The following RBFOX1 variants were observed in gnomAD, a reference collection of about 807,000 sequenced individuals.
RBFOX1 encodes the protein RNA binding fox-1 homolog 1.
RBFOX1 carries 8 observed loss-of-function variants against 57.7 expected under a neutral mutation model. The ratio of observed to expected loss-of-function variants is 0.14; its 90% CI spans 0.08 to 0.25. The LOEUF (loss-of-function observed/expected upper bound fraction) is 0.25, where lower values mean the gene tolerates loss of function less well. RBFOX1 is among the 10% of genes least tolerant of loss of function. The probability of loss-of-function intolerance (pLI) is 1.00; values close to 1 mark genes in which losing one functional copy is unlikely to be tolerated. For missense variants in RBFOX1, 611 were observed against 548.5 expected, an observed-to-expected ratio of 1.11 and a Z score of -1.14; for synonymous variants, 326 against 222.4, an observed-to-expected ratio of 1.47 and a Z score of -4.15.
At chr16:6,415,791 A>T (rs2093608962) in intron 2 of RBFOX1, among the ~76,000 whole-genome samples, 2 of 152,242 alleles carry the variant, frequency 1.3e-5, no homozygotes, top group African/African-American at 4.8e-5. Context: ...TATCTGTGAG[A>T]TACACAAATG....
intron 3 of RBFOX1, among the ~76,000 whole-genome samples, chr16:5,856,188 TATATATATATATATATATA>T (rs2057033279): frequency 1.3e-4 from 5 of 37,994 alleles, no homozygotes; most frequent in African/African-American, 1.7e-4. Flanking sequence ...TCTCTCTCTC[TATATATATATATATATATA>T]CATATATATG....
intron 13 of RBFOX1, among the ~76,000 whole-genome samples, chr16:7,669,429 A>G (rs972200936): frequency 2.0e-5 from 3 of 152,352 alleles, no homozygotes; most frequent in South Asian, 4.1e-4. Context: ...CTGGAATAAC[A>G]TAGTGAGGTG....
chr16:7,144,650 T>C (rs752694071), intron 4 of RBFOX1, among the ~76,000 whole-genome samples: 1 of 152,032 alleles, frequency 6.6e-6, no homozygotes, highest in Non-Finnish European at 1.5e-5. Context: ...AGCCCTCCCT[T>C]CCTGCCAGCA....
chr16:6,918,798 A>G (rs2073831657), intron 3 of RBFOX1, among the ~76,000 whole-genome samples: 1 of 152,124 alleles, frequency 6.6e-6, no homozygotes, highest in Non-Finnish European at 1.5e-5. Flanking sequence ...ATGCAGGAGC[A>G]TTGAGCAGAA....
At chr16:5,711,266 A>G (rs1191371848) in intron 3 of RBFOX1, among the ~76,000 whole-genome samples, 1 of 152,220 alleles carries the variant, frequency 6.6e-6, no homozygotes, top group Non-Finnish European at 1.5e-5. Context: ...AAGTATTGGT[A>G]TTAGTCATTG....
chr16:6,288,931 A>G (rs1238866997), intron 1 of RBFOX1, among the ~76,000 whole-genome samples: 1 of 152,128 alleles, frequency 6.6e-6, no homozygotes, highest in African/African-American at 2.4e-5. Flanking sequence ...TCTCATTGAG[A>G]TGCTGTCACC....
chr16:7,532,909 GGC>G (rs1356409939), intron 5 of RBFOX1, among the ~76,000 whole-genome samples: 1 of 152,174 alleles, frequency 6.6e-6, no homozygotes, highest in African/African-American at 2.4e-5. Flanking sequence ...ACATATTGTT[GGC>G]CTGCTGGCTG....
intron 1 of RBFOX1, among the ~76,000 whole-genome samples, chr16:6,044,161 G>A (rs1417336224): frequency 6.6e-6 from 1 of 151,994 alleles, no homozygotes; most frequent in African/African-American, 2.4e-5. Flanking sequence ...AGTTAAAACA[G>A]AAAAAAACAA....
chr16:6,911,284 C>G (rs1309119714), intron 3 of RBFOX1, among the ~76,000 whole-genome samples: 1 of 151,436 alleles, frequency 6.6e-6, no homozygotes, highest in Non-Finnish European at 1.5e-5. Context: ...CAAAGTTCCA[C>G]AAACTAGGAG....
intron 4 of RBFOX1, among the ~76,000 whole-genome samples, chr16:7,402,442 T>G (rs1459659684): frequency 6.6e-6 from 1 of 152,222 alleles, no homozygotes; most frequent in East Asian, 1.9e-4. Context: ...ATTTCACAAA[T>G]AATAGTATCC....
intron 3 of RBFOX1, among the ~76,000 whole-genome samples, chr16:6,928,710 G>C (rs1308516199): frequency 2.0e-5 from 3 of 152,102 alleles, no homozygotes; most frequent in African/African-American, 4.8e-5. Flanking sequence ...GTAAGTAAAA[G>C]ATTAAAATGT....
At chr16:7,589,973 A>G (rs1188996351) in intron 7 of RBFOX1, among the ~76,000 whole-genome samples, 1 of 147,816 alleles carries the variant, frequency 6.8e-6, no homozygotes, top group Non-Finnish European at 1.5e-5. Context: ...ATAAACCCAT[A>G]TGTACTTAAG....
At chr16:6,812,745 G>C (rs1362117390) in intron 3 of RBFOX1, among the ~76,000 whole-genome samples, 1 of 152,098 alleles carries the variant, frequency 6.6e-6, no homozygotes, top group Non-Finnish European at 1.5e-5. Context: ...ATGCAACATG[G>C]ATTGTTGGAG....
intron 4 of RBFOX1, among the ~76,000 whole-genome samples, chr16:7,065,370 C>G (rs905650751): frequency 2.0e-5 from 3 of 152,252 alleles, no homozygotes; most frequent in Admixed American, 1.3e-4. Flanking sequence ...CTGATACACT[C>G]CACCTGCCCA....
intron 1 of RBFOX1, among the ~76,000 whole-genome samples, chr16:6,021,496 G>A (rs181419547): frequency 7.0e-4 from 106 of 152,342 alleles, no homozygotes; most frequent in African/African-American, 2.3e-3. Flanking sequence ...GAAGGGTAAA[G>A]GTGGTGCTGG....
At chr16:5,496,041 G>A (rs1442228825) in intron 2 of RBFOX1, among the ~76,000 whole-genome samples, 1 of 152,156 alleles carries the variant, frequency 6.6e-6, no homozygotes, top group African/African-American at 2.4e-5. Context: ...TAGAAGAATT[G>A]CTTCAACCCA....
intron 4 of RBFOX1, among the ~76,000 whole-genome samples, chr16:5,912,295 C>T (rs939712314): frequency 6.6e-6 from 1 of 152,084 alleles, no homozygotes; most frequent in African/African-American, 2.4e-5. Flanking sequence ...TGAAGCTCAC[C>T]GTATCATTGA....
chr16:7,277,367 C>G (rs1232944828), intron 4 of RBFOX1, among the ~76,000 whole-genome samples: 1 of 152,094 alleles, frequency 6.6e-6, no homozygotes, highest in Non-Finnish European at 1.5e-5. Context: ...TTTAGAAAAC[C>G]TTTCCTGAAT....
At chr16:5,843,410 G>A (rs1202243425) in intron 3 of RBFOX1, among the ~76,000 whole-genome samples, 1 of 152,136 alleles carries the variant, frequency 6.6e-6, no homozygotes, top group Non-Finnish European at 1.5e-5. Flanking sequence ...TCCAGCATTA[G>A]TTTGCCAAGG....
Sources: allele counts gnomAD v4.1 joint callset (sites outside exome capture counted in the v4.1 genomes callset), GRCh38; gene constraint gnomAD v4.1.1; transcripts MANE v1.5; gene names NCBI Gene and HGNC (gene_info 2026-07-23, HGNC 2026-07-21).